CRACR2B: variants seen among roughly 807,000 people sequenced by gnomAD.
CRACR2B encodes the protein EF-hand calcium-binding domain-containing protein 4A.
In CRACR2B, 50 loss-of-function variants were observed where a neutral mutation model predicts 46.0. The observed-to-expected ratio is 1.09, with a 90% CI of 0.87 to 1.38. The LOEUF is 1.38. Among genes scored for constraint, CRACR2B ranks in the 40% most tolerant of loss-of-function variants. CRACR2B has a pLI of 0.00. For synonymous variants in CRACR2B, 277 were observed against 239.6 expected (o/e 1.16, Z -1.44); for missense variants, 667 against 535.0 (o/e 1.25, Z -2.43).
intron 3 of CRACR2B, 91 bp downstream of exon 3, chr11:829,631 C>T (rs760711091): frequency 5.9e-5 from 80 of 1,347,818 alleles, no homozygotes; most frequent in Non-Finnish European, 7.7e-5. Flanking sequence ...GCTGGTTCTG[C>T]ACAGGGTCTC....
chr11:828,518 C>T lies in CRACR2B; in HGVS notation c.-90C>T. 1 of 1,432,160 alleles carries T rather than the reference C, an allele frequency of 7.0e-7. No homozygotes were observed. Among genetic ancestry groups the T allele is most frequent in the Non-Finnish European group, 9.2e-7 (1 of 1,090,762 alleles). The allele number at this position is 1,432,160 out of a possible 1,614,324, so 88.7% of individuals were successfully genotyped here. A position where few individuals can be genotyped will look rare whatever the true frequency, so the allele number is the denominator to read the frequency against. On this transcript the variant is annotated 5_prime_UTR_variant, in exon 1 of 9. Transcript: ENST00000525077. ...GCCCTCGGCTGAGCCTTCAGACACA[C>T]TTGCACCCCATCCGCTCCCCTCCTG...
At chr11:830,575 T>C (rs1712874401) in intron 5 of CRACR2B, 46 bp from the exon 6 acceptor site, 1 of 1,548,662 alleles carries the variant, frequency 6.5e-7, no homozygotes, top group Non-Finnish European at 8.7e-7. Flanking sequence ...CTCTTTTGCA[T>C]GGCCGAGCGG....
intron 3 of CRACR2B, 106 bp downstream of exon 3, chr11:829,646 C>T: frequency 8.0e-7 from 1 of 1,244,740 alleles, no homozygotes; most frequent in Non-Finnish European, 1.1e-6. Context: ...GGTCTCTAGG[C>T]CGGGTCAGGC....
rs74045170 is a variant in CRACR2B, at chr11:829,871, A to T, written c.459-115A>T. 8.2e-4 allele frequency: 1,175 copies of T among 1,437,696 alleles called. 5 individuals are homozygous for T. The African/African-American group carries it at 9.6e-3, about 12-fold the overall frequency. 89.1% of individuals were successfully genotyped at this position (1,437,696 alleles called of 1,614,324 possible). A position where few individuals can be genotyped will look rare whatever the true frequency, so the allele number is the denominator to read the frequency against. On this transcript the variant is annotated intron_variant, in intron 3 of 8. Transcript: ENST00000525077. ...ACGGGAGGGATGCCCTGCACGCAGC[A>T]AGTGCTCCTGTCCTGCCCAGGGGCG... is the stretch of plus-strand genomic sequence containing the variant.
Position 827,984 on chromosome 11 carries a change from G to C in CRACR2B, c.-624G>C, listed in dbSNP as rs575776595. 1.3e-5 allele frequency among the ~76,000 whole-genome samples: 2 copies of C among 152,160 alleles called. No individual in the cohort carries two copies. The highest frequency in any genetic ancestry group is 4.8e-5 in the African/African-American group (2 of 41,438). On this transcript the variant is annotated 5_prime_UTR_variant, in exon 1 of 9. Transcript: ENST00000525077. ...TGTTCCTGAGTGGGGCGTCAGAGGC[G>C]AAGGGCTCTGCAGGCTGGGACCTTG...
intron 8 of CRACR2B, 27 bp from the exon 9 acceptor site, chr11:831,508 C>T: frequency 6.4e-7 from 1 of 1,554,576 alleles, no homozygotes; most frequent in Non-Finnish European, 8.7e-7. Context: ...CTCAGACCCT[C>T]TCAGTGTCGG....
In CRACR2B at chr11:831,610, TCTGACAACAGCCCGCCTGC is replaced by T; in HGVS notation, c.1105_1123del (p.Thr369GlyfsTer35). ...GGGCGGGCAGCAGCTGCAGGAAGGC[TCTGACAACAGCCCGCCTGC>T]CTGGGCCCACCTGCTGCTGCTGCTG... On this transcript the variant is annotated frameshift_variant, in exon 9 of 9. Coordinates refer to ENST00000525077, the MANE Select transcript of CRACR2B (RefSeq NM_001286606.2). LOFTEE classifies it high-confidence loss of function. 1 of 1,576,434 alleles carries T rather than the reference TCTGACAACAGCCCGCCTGC, an allele frequency of 6.3e-7. No individual in the cohort carries two copies. The highest frequency in any genetic ancestry group is 8.6e-7 in the Non-Finnish European group (1 of 1,167,942).
Position 830,949 on chromosome 11 carries a change from G to T in CRACR2B, c.870G>T (p.Ala290=). The stretch of plus-strand genomic sequence containing the variant: ...CCCAGCTGTGGCGGGCGCACGAGGC[G>T]CTGCGAACGCAGCTGGAGGGGGCGC... ...QNSQLWRAHE[A]LRTQLEGAQE... Residue 290 remains alanine (A), a synonymous_variant, in exon 7 of 9, where the codon GCG becomes GCT. Transcript: ENST00000525077. The T allele has an allele frequency of 6.5e-7, 1 of 1,533,356 alleles. No individual in the cohort carries two copies. The highest frequency in any genetic ancestry group is 8.7e-7 in the Non-Finnish European group (1 of 1,146,484). The allele number at this position is 1,533,356 out of a possible 1,614,324, so 95.0% of individuals were successfully genotyped here.
At chr11:830,811 G>T (rs1162519339) in intron 6 of CRACR2B, 55 bp from the exon 7 acceptor site, 3 of 1,486,782 alleles carry the variant, frequency 2.0e-6, no homozygotes, top group African/African-American at 1.4e-5. Context: ...GGCACGCGCA[G>T]CACCCCGGGG....
At chr11:831,179 C>A (rs749815557) in intron 7 of CRACR2B, 45 bp from the exon 8 acceptor site, 1 of 1,610,482 alleles carries the variant, frequency 6.2e-7, no homozygotes, top group South Asian at 1.1e-5. Flanking sequence ...CCGGGGGCTC[C>A]CCAAGGAGCC....
Position 831,779 on chromosome 11 carries a change from G to C in CRACR2B, c.*70G>C, listed in dbSNP as rs34284407. On this transcript the variant is annotated 3_prime_UTR_variant, in exon 9 of 9. Coordinates refer to ENST00000525077, the MANE Select transcript of CRACR2B (RefSeq NM_001286606.2). ...GCAGGAGGCTTGTCATGGGTCGGGG[G>C]TGCCCACTCAGGATGCAGGCTCTCC... is the stretch of plus-strand genomic sequence containing the variant. 3 of 1,444,548 alleles carry C rather than the reference G, an allele frequency of 2.1e-6. No individual in the cohort carries two copies. The highest frequency in any genetic ancestry group is 2.7e-6 in the Non-Finnish European group (3 of 1,106,566). 89.5% of individuals were successfully genotyped at this position (1,444,548 alleles called of 1,614,324 possible).
At position 828,748 on chromosome 11, in the gene CRACR2B, C is replaced by T. The variant is rs34871888; in HGVS notation, c.141C>T (p.Gly47=). ...LFLLCDKEAK[G]FITKHDLQGL... ...TGCTGTGTGACAAGGAGGCTAAGGGCTTCATCACCAAGCACGACCTGCAGG... is the reference window on the plus strand; with the variant it reads ...TGCTGTGTGACAAGGAGGCTAAGGGTTTCATCACCAAGCACGACCTGCAGG... The change falls in exon 1 of 9, where the codon GGC becomes GGT. Residue 47 remains glycine (G), a synonymous_variant. Coordinates refer to ENST00000525077, the MANE Select transcript of CRACR2B (RefSeq NM_001286606.2). The T allele has an allele frequency of 4.1e-5, 66 of 1,613,586 alleles. No individual in the cohort carries two copies. In the African/African-American group the frequency reaches 7.9e-4, roughly 19 times the overall value.
chr11:828,894 G>T lies in CRACR2B; in HGVS notation c.208G>T (p.Ala70Ser). ...GCCCCTCACGCCAGAGCAGCTGGAGGCTGTGTTTGAAAGTCTGGACCGGGC... is the reference window on the plus strand; with the variant it reads ...GCCCCTCACGCCAGAGCAGCTGGAGTCTGTGTTTGAAAGTCTGGACCGGGC... ...DLPLTPEQLEAVFESLDRAHT... is the reference protein window; with the variant it reads ...DLPLTPEQLESVFESLDRAHT... The change falls in exon 2 of 9, where the codon GCT becomes TCT. Residue 70 changes from alanine to serine, a missense_variant. Physicochemically the swap from Ala to Ser is moderately conservative, Grantham distance 99. Transcript: ENST00000525077. 2 of 1,609,734 alleles carry T rather than the reference G, an allele frequency of 1.2e-6. No homozygotes were observed. Among genetic ancestry groups the T allele is most frequent in the South Asian group, 2.2e-5 (2 of 91,076 alleles).
chr11:831,063 G>A, intron 7 of CRACR2B, 31 bp downstream of exon 7: 1 of 1,536,902 alleles, frequency 6.5e-7, no homozygotes, highest in Non-Finnish European at 8.7e-7. Context: ...GCGGGCCCCG[G>A]TGCGTGTCCC....
At chr11:830,456 C>T in intron 5 of CRACR2B, 119 bp downstream of exon 5, 1 of 1,536,108 alleles carries the variant, frequency 6.5e-7, no homozygotes, top group South Asian at 1.2e-5. Context: ...TCCAGGCTGC[C>T]CTCAGCCCGA....
At position 828,483 on chromosome 11, in the gene CRACR2B, T is replaced by C; in HGVS notation, c.-125T>C. The C allele has an allele frequency of 8.3e-7, 1 of 1,209,248 alleles. No homozygotes were observed. Among genetic ancestry groups the C allele is most frequent in the Non-Finnish European group, 1.1e-6 (1 of 902,394 alleles). The allele number at this position is 1,209,248 out of a possible 1,614,324, so 74.9% of individuals were successfully genotyped here. A position where few individuals can be genotyped will look rare whatever the true frequency, so the allele number is the denominator to read the frequency against. ...GCCTTCCGCCCACCTTCCCACCTGC[T>C]GCAGGGAGGGCCCTCGGCTGAGCCT... On this transcript the variant is annotated 5_prime_UTR_variant, in exon 1 of 9. Coordinates refer to ENST00000525077, the MANE Select transcript of CRACR2B (RefSeq NM_001286606.2).
chr11:830,046 C>T lies in CRACR2B; in HGVS notation c.519C>T (p.Gly173=). The part of the protein sequence containing the change: ...RLQRERPELL[G]SFEDVLIRAS... ...AGCGCGAGCGCCCCGAGCTGCTGGGCTCTTTCGAGGATGTTCTGATACGCG... is the reference window on the plus strand; with the variant it reads ...AGCGCGAGCGCCCCGAGCTGCTGGGTTCTTTCGAGGATGTTCTGATACGCG... Residue 173 remains glycine, a synonymous_variant, in exon 4 of 9, where the codon GGC becomes GGT. Transcript: ENST00000525077. 6.4e-7 allele frequency: 1 copy of T among 1,566,310 alleles called. No individual in the cohort carries two copies. The highest frequency in any genetic ancestry group is 1.7e-4 in the Middle Eastern group (1 of 6,016).
In CRACR2B at chr11:828,446, TG is replaced by T; in HGVS notation, c.-160del. On this transcript the variant is annotated 5_prime_UTR_variant, in exon 1 of 9. Transcript: ENST00000525077. ...GCAGCATTTTCCACCCCCAGCCCCCTGGTCCCACCTTGCCTTCCGCCCACCT... is the reference window on the plus strand; with the variant it reads ...GCAGCATTTTCCACCCCCAGCCCCCTGTCCCACCTTGCCTTCCGCCCACCT... The T allele has an allele frequency of 1.3e-6, 1 of 797,980 alleles. No individual in the cohort carries two copies. The highest frequency in any genetic ancestry group is 2.0e-5 in the South Asian group (1 of 49,914). The allele number at this position is 797,980 out of a possible 1,614,324, so 49.4% of individuals were successfully genotyped here.
At position 831,618 on chromosome 11, in the gene CRACR2B, C is replaced by T; in HGVS notation, c.1109C>T (p.Thr370Ile). Reference protein sequence around the residue: ...AGSSCRKALTTARLPGPTCCC... With the variant: ...AGSSCRKALTIARLPGPTCCC... ...AGCAGCTGCAGGAAGGCTCTGACAA[C>T]AGCCCGCCTGCCTGGGCCCACCTGC... The change falls in exon 9 of 9, where the codon ACA (threonine) becomes ATA (isoleucine). Residue 370 changes from threonine (T) to isoleucine (I), a missense_variant. Transcript: ENST00000525077. 10 of 1,566,836 alleles carry T rather than the reference C, an allele frequency of 6.4e-6. No individual in the cohort carries two copies. The highest frequency in any genetic ancestry group is 8.6e-6 in the Non-Finnish European group (10 of 1,163,820).
Sources: allele counts gnomAD v4.1 joint callset (sites outside exome capture counted in the v4.1 genomes callset), GRCh38; gene constraint gnomAD v4.1.1; transcripts MANE v1.5; gene names NCBI Gene and HGNC (gene_info 2026-07-23, HGNC 2026-07-21).